SIPA1L3: variants seen among roughly 807,000 people sequenced by gnomAD.
The protein encoded by SIPA1L3 is signal induced proliferation associated 1 like 3.
Under a neutral mutation model 150.1 loss-of-function variants are expected in SIPA1L3, and 59 were observed. The ratio of observed to expected loss-of-function variants is 0.39; its 90% CI spans 0.32 to 0.49. The LOEUF (loss-of-function observed/expected upper bound fraction) is 0.49, where lower values mean the gene tolerates loss of function less well. SIPA1L3 is among the 20% of genes least tolerant of loss of function. The probability of loss-of-function intolerance (pLI) is 0.86; values close to 1 mark genes in which losing one functional copy is unlikely to be tolerated. For synonymous variants in SIPA1L3, 1,070 were observed against 1,077.6 expected, an observed-to-expected ratio of 0.99 and a Z score of 0.14; for missense variants, 2,211 against 2,489.5, an observed-to-expected ratio of 0.89 and a Z score of 2.38.
At chr19:37,971,531 G>A (rs1032274371) in intron 1 of SIPA1L3, among the ~76,000 whole-genome samples, 12 of 150,446 alleles carry the variant, frequency 8.0e-5, no homozygotes, top group Admixed American at 7.4e-4. Context: ...ATTTCTGTCT[G>A]GCTTCTTTCA....
At chr19:38,159,618 T>C (rs1972030635) in intron 13 of SIPA1L3, among the ~76,000 whole-genome samples, 1 of 152,248 alleles carries the variant, frequency 6.6e-6, no homozygotes, top group Non-Finnish European at 1.5e-5. Context: ...GAGGCAGGGC[T>C]TGACAGCACA....
intron 1 of SIPA1L3, among the ~76,000 whole-genome samples, chr19:37,947,256 G>A (rs529476659): frequency 3.9e-5 from 6 of 152,114 alleles, no homozygotes; most frequent in Non-Finnish European, 5.9e-5. Flanking sequence ...TTGGGAGGCC[G>A]AGGCGGGCGG....
At chr19:37,976,915 G>A (rs762393471) in intron 1 of SIPA1L3, among the ~76,000 whole-genome samples, 32 of 152,138 alleles carry the variant, frequency 2.1e-4, no homozygotes, top group Non-Finnish European at 3.4e-4. Flanking sequence ...GCTCACTGCA[G>A]CCTCAACCTC....
intron 2 of SIPA1L3, among the ~76,000 whole-genome samples, chr19:38,033,903 T>C (rs1318222396): frequency 1.3e-5 from 2 of 152,140 alleles, no homozygotes; most frequent in Non-Finnish European, 1.5e-5. Context: ...CATCATGGTA[T>C]GTGCATTCGG....
chr19:38,007,729 A>G (rs1967988858), intron 1 of SIPA1L3, among the ~76,000 whole-genome samples: 1 of 151,964 alleles, frequency 6.6e-6, no homozygotes, highest in Non-Finnish European at 1.5e-5. Context: ...GTTCTTGGCT[A>G]CATGTGTGTA....
chr19:38,052,883 G>A (rs1333277514), intron 2 of SIPA1L3, among the ~76,000 whole-genome samples: 1 of 152,198 alleles, frequency 6.6e-6, no homozygotes. Flanking sequence ...CCTGCCCATC[G>A]CACTGGGCTG....
chr19:38,204,861 C>A (rs1015490301), intron 21 of SIPA1L3, among the ~76,000 whole-genome samples: 1 of 152,316 alleles, frequency 6.6e-6, no homozygotes, highest in South Asian at 2.1e-4. Context: ...CAAGGACGTT[C>A]GTTGCCACAC....
At chr19:38,060,094 C>G (rs1294537712) in intron 2 of SIPA1L3, among the ~76,000 whole-genome samples, 1 of 152,180 alleles carries the variant, frequency 6.6e-6, no homozygotes, top group African/African-American at 2.4e-5. Flanking sequence ...TTTCTAAAAG[C>G]AACTGCTCTC....
Position 38,082,849 on chromosome 19 carries a change from G to T in SIPA1L3, c.1284G>T (p.Pro428=), listed in dbSNP as rs746341036. Residue 428 remains proline, a synonymous_variant, in exon 3 of 22, where the codon CCG becomes CCT. Coordinates refer to ENST00000222345, the MANE Select transcript of SIPA1L3 (RefSeq NM_015073.3). ...DNSNDLLLSC[P]HFRNEIGGEC... is the part of the protein sequence containing the mutation. ...GCAACGACCTGCTGCTCAGCTGCCC[G>T]CACTTCCGCAATGAGATCGGGGGCG... 6.8e-6 allele frequency: 11 copies of T among 1,613,680 alleles called. No individual in the cohort carries two copies. Among genetic ancestry groups the T allele is most frequent in the Admixed American group, 1.7e-5 (1 of 60,030 alleles).
In SIPA1L3 at chr19:38,046,498, G is replaced by C. The variant is rs1376707914; in HGVS notation, c.-311+17342G>C. On this transcript the variant is annotated intron_variant, in intron 2 of 21. Coordinates refer to ENST00000222345, the MANE Select transcript of SIPA1L3 (RefSeq NM_015073.3). This position sits in a 1 kb window ranked among gnomAD's most constrained non-coding sequence, Gnocchi z 5.6. ...CTCTCGGTTCCCTGTTCTGGGCCCTGCCCTGGAAAGAGGCAGGGTGGCCGG... is the reference window on the plus strand; with the variant it reads ...CTCTCGGTTCCCTGTTCTGGGCCCTCCCCTGGAAAGAGGCAGGGTGGCCGG... Among the ~76,000 whole-genome samples the C allele has an allele frequency of 6.6e-6, 1 of 152,184 alleles. No homozygotes were observed. Among genetic ancestry groups the C allele is most frequent in the Non-Finnish European group, 1.5e-5 (1 of 68,038 alleles).
intron 1 of SIPA1L3, among the ~76,000 whole-genome samples, chr19:37,977,951 T>C (rs961016329): frequency 2.6e-5 from 4 of 152,252 alleles, no homozygotes; most frequent in Non-Finnish European, 5.9e-5. Flanking sequence ...AAGAGTTTTA[T>C]GGAACACACA....
intron 1 of SIPA1L3, among the ~76,000 whole-genome samples, chr19:37,947,913 C>T (rs2046727328): frequency 6.6e-6 from 1 of 152,218 alleles, no homozygotes; most frequent in African/African-American, 2.4e-5. Flanking sequence ...TAGGCCTGTT[C>T]TCTGCCTCTG....
intron 4 of SIPA1L3, among the ~76,000 whole-genome samples, chr19:38,096,539 G>T (rs756812361): frequency 6.6e-6 from 1 of 152,000 alleles, no homozygotes; most frequent in Non-Finnish European, 1.5e-5. Context: ...GTGAGCCACC[G>T]CACCTGGCCT....
In SIPA1L3 at chr19:38,081,653, C is replaced by T; in HGVS notation, c.88C>T (p.His30Tyr). Residue 30 changes from histidine to tyrosine, a missense_variant, in exon 3 of 22, where the codon CAC becomes TAC. This residue lies in a region of SIPA1L3 where 130 missense variants were observed against 174.5 expected (regional missense o/e 0.74). Transcript: ENST00000222345. The part of the protein sequence containing the change: ...ARVGDVLPGP[H>Y]TGDYAPLGFW... ...GGTGGGCGATGTCCTCCCTGGGCCA[C>T]ACACAGGGGACTACGCTCCCTTGGG... 1.2e-6 allele frequency: 2 copies of T among 1,611,650 alleles called. No individual in the cohort carries two copies. Among genetic ancestry groups the T allele is most frequent in the Non-Finnish European group, 1.7e-6 (2 of 1,179,154 alleles).
intron 1 of SIPA1L3, among the ~76,000 whole-genome samples, chr19:37,918,609 C>T (rs2145478535): frequency 6.6e-6 from 1 of 151,958 alleles, no homozygotes; most frequent in East Asian, 2.0e-4. Flanking sequence ...GTGGCTTATG[C>T]CTGTAATCCC....
chr19:38,010,411 T>TAAAAAA (rs57336441), intron 1 of SIPA1L3, among the ~76,000 whole-genome samples: 1 of 141,852 alleles, frequency 7.0e-6, no homozygotes, highest in Non-Finnish European at 1.5e-5. Flanking sequence ...CTCTCAAAAT[T>TAAAAAA]AAAAAAAAAA....
Position 38,164,467 on chromosome 19 carries a change from C to T in SIPA1L3, c.3781-12C>T. On this transcript the variant is annotated splice_polypyrimidine_tract_variant and intron_variant, in intron 14 of 21. Transcript: ENST00000222345. The surrounding 1 kb of genome is among the most constrained non-coding windows in gnomAD (Gnocchi z 4.1). The stretch of plus-strand genomic sequence containing the variant: ...TGGAGTCTGGGAATGACACGCTTCT[C>T]TTGCCTCTCAGGGAGAACCTCAATA... 1 of 1,590,014 alleles carries T rather than the reference C, an allele frequency of 6.3e-7. No individual in the cohort carries two copies. Among genetic ancestry groups the T allele is most frequent in the Non-Finnish European group, 8.6e-7 (1 of 1,162,746 alleles).
chr19:38,078,530 A>G (rs1600020232), intron 2 of SIPA1L3, among the ~76,000 whole-genome samples: 1 of 145,170 alleles, frequency 6.9e-6, no homozygotes, highest in African/African-American at 2.5e-5. Flanking sequence ...ACACAGACGC[A>G]CACAGACACG....
chr19:38,124,210 C>T (rs1239985957), intron 9 of SIPA1L3, among the ~76,000 whole-genome samples: 7 of 145,620 alleles, frequency 4.8e-5, no homozygotes, highest in Admixed American at 3.4e-4. Context: ...TCAGACGGGG[C>T]AGCTGCCGGG....
Sources: gnomAD v4.1 joint callset for allele counts (sites outside exome capture counted in the v4.1 genomes callset) on GRCh38, gnomAD v4.1.1 for gene constraint, gnomAD v4.1.1 regional missense constraint, Gnocchi (gnomAD v3.1) non-coding constraint, MANE v1.5 for transcripts, NCBI Gene and HGNC (gene_info 2026-07-23, HGNC 2026-07-21) for gene names.